FERMT3: variants seen among roughly 807,000 people sequenced by gnomAD.
The protein encoded by FERMT3 is FERM domain containing kindlin 3.
A neutral mutation model predicts 80.8 loss-of-function variants in FERMT3; 33 were observed. The ratio of observed to expected loss-of-function variants is 0.41; its 90% CI spans 0.31 to 0.55. The LOEUF is 0.55. FERMT3 is among the 20% of genes least tolerant of loss of function. FERMT3 has a pLI of 0.31. For synonymous variants in FERMT3, 375 were observed against 372.2 expected (o/e 1.01, Z -0.09); for missense variants, 754 against 908.7 (o/e 0.83, Z 2.19).
chr11:64,214,588 C>T (rs1435289779), intron 6 of FERMT3, among the ~76,000 whole-genome samples: 1 of 151,820 alleles, frequency 6.6e-6, no homozygotes, highest in Non-Finnish European at 1.5e-5. Context: ...CTCAGGCGAT[C>T]CACCTGCCTC....
intron 6 of FERMT3, among the ~76,000 whole-genome samples, chr11:64,214,925 C>A (rs1190284160): frequency 6.6e-6 from 1 of 151,898 alleles, no homozygotes; most frequent in Non-Finnish European, 1.5e-5. Flanking sequence ...GCCTCAGCCT[C>A]CCACATAGCT....
rs1946422291 is a variant in FERMT3 at position 64,210,971 on chromosome 11, T to C, written c.395-81T>C. The C allele has an allele frequency of 3.7e-6, 6 of 1,607,250 alleles. No individual in the cohort carries two copies. The highest frequency in any genetic ancestry group is 5.1e-6 in the Non-Finnish European group (6 of 1,177,122). ...GGTTGCCACCCTGCCTGCAGGGCTGTGACCCGCCCCAAGCACCCATGGGTG... is the reference window on the plus strand; with the variant it reads ...GGTTGCCACCCTGCCTGCAGGGCTGCGACCCGCCCCAAGCACCCATGGGTG... On this transcript the variant is annotated intron_variant, in intron 3 of 14. Coordinates refer to ENST00000345728, the MANE Select transcript of FERMT3 (RefSeq NM_031471.6). This position sits in a 1 kb window ranked among gnomAD's most constrained non-coding sequence, Gnocchi z 4.3.
rs1441715930 is a variant in FERMT3, at chr11:64,219,844, A to AGG, written c.1080-45_1080-44dup. The AGG allele has an allele frequency of 2.5e-6, 4 of 1,613,632 alleles. No individual in the cohort carries two copies. The highest frequency in any genetic ancestry group is 3.4e-6 in the Non-Finnish European group (4 of 1,179,990). Reference sequence around the variant, plus strand: ...GCTGGAGGGGTTGGTCTGCATATGGAGGGAGGGGGTGAGGCGGCCTTTCAC... The same window carrying AGG: ...GCTGGAGGGGTTGGTCTGCATATGGAGGGGGAGGGGGTGAGGCGGCCTTTCAC... On this transcript the variant is annotated intron_variant, in intron 9 of 14. Transcript: ENST00000345728. This position sits in a 1 kb window ranked among gnomAD's most constrained non-coding sequence, Gnocchi z 4.0.
chr11:64,222,911 A>G, intron 13 of FERMT3, 137 bp from the exon 14 acceptor site: 1 of 1,155,788 alleles, frequency 8.7e-7, no homozygotes, highest in Non-Finnish European at 1.3e-6. Context: ...AGGGAACCCA[A>G]ATGGCTTGCT....
intron 2 of FERMT3, among the ~76,000 whole-genome samples, chr11:64,208,499 T>G (rs1946366331): frequency 6.6e-6 from 1 of 152,086 alleles, no homozygotes; most frequent in South Asian, 2.1e-4. Flanking sequence ...ATACTGTCAC[T>G]CCTAAGCACA....
rs985750753 is a variant in FERMT3 at position 64,223,570 on chromosome 11, C to T, written c.*78C>T. Reference sequence around the variant, plus strand: ...AGCCCACACCCACAGGGGCTCACTGCCCCACACCCGCTCCAGGCAGGCACC... The same window carrying T: ...AGCCCACACCCACAGGGGCTCACTGTCCCACACCCGCTCCAGGCAGGCACC... On this transcript the variant is annotated 3_prime_UTR_variant, in exon 15 of 15. Coordinates refer to ENST00000345728, the MANE Select transcript of FERMT3 (RefSeq NM_031471.6). 8.0e-6 allele frequency: 12 copies of T among 1,492,456 alleles called. No homozygotes were observed. The highest frequency in any genetic ancestry group is 4.1e-5 in the African/African-American group (3 of 72,358). 92.5% of individuals were successfully genotyped at this position (1,492,456 alleles called of 1,614,324 possible).
Position 64,223,452 on chromosome 11 carries a change from A to T in FERMT3, c.1952A>T (p.Asp651Val). Residue 651 changes from aspartate (D) to valine (V), a missense_variant, in exon 15 of 15, where the codon GAC becomes GTC. Coordinates refer to ENST00000345728, the MANE Select transcript of FERMT3 (RefSeq NM_031471.6). ...GCCCGTGGGGAGGAGCTGGATGAAG[A>T]CCTCTTCCTGCAGCTCACCGGGGGC... ...ERARGEELDEDLFLQLTGGHE... is the reference protein window; with the variant it reads ...ERARGEELDEVLFLQLTGGHE... 6.2e-7 allele frequency: 1 copy of T among 1,612,184 alleles called. No individual in the cohort carries two copies. Among genetic ancestry groups the T allele is most frequent in the Non-Finnish European group, 8.5e-7 (1 of 1,179,958 alleles).
At chr11:64,212,345 G>T (rs1262319546) in intron 6 of FERMT3, among the ~76,000 whole-genome samples, 1 of 152,190 alleles carries the variant, frequency 6.6e-6, no homozygotes, top group African/African-American at 2.4e-5. Flanking sequence ...CCACCTCTCT[G>T]CCCCCTTTCT....
chr11:64,223,285 A>C, intron 14 of FERMT3, 28 bp from the exon 15 acceptor site: 1 of 1,613,492 alleles, frequency 6.2e-7, no homozygotes, highest in Non-Finnish European at 8.5e-7. Context: ...TATCCCACCC[A>C]CCATTTGCCC....
chr11:64,210,460 G>C lies in FERMT3; in HGVS notation c.161-151G>C, dbSNP rs1424734330. On this transcript the variant is annotated intron_variant, in intron 2 of 14. Transcript: ENST00000345728. The surrounding 1 kb of genome is among the most constrained non-coding windows in gnomAD (Gnocchi z 4.3). ...GAGAGCCCTGCTGCTGTTACCATGG[G>C]GTAGACCCCAGGCCCGCCCAGGCTG... 7 of 763,112 alleles carry C rather than the reference G, an allele frequency of 9.2e-6. No homozygotes were observed. Among genetic ancestry groups the C allele is most frequent in the Non-Finnish European group, 1.5e-5 (7 of 453,758 alleles). The allele number at this position is 763,112 out of a possible 1,614,324, so 47.3% of individuals were successfully genotyped here.
rs767054440 is a variant in FERMT3, at chr11:64,220,316, G to C, written c.1301G>C (p.Arg434Pro). 1 of 1,613,696 alleles carries C rather than the reference G, an allele frequency of 6.2e-7. No individual in the cohort carries two copies. Among genetic ancestry groups the C allele is most frequent in the Non-Finnish European group, 8.5e-7 (1 of 1,179,864 alleles). Residue 434 changes from arginine to proline, a missense_variant, in exon 11 of 15, where the codon CGG becomes CCG. Physicochemically the swap from Arg to Pro is moderately radical, Grantham distance 103 (BLOSUM62 -2). Transcript: ENST00000345728. ...GAGGGCATGAGTGAGATCTACCTGC[G>C]GTGCCAGGATGTGAGTGAGGGCTGG... ...SPEGMSEIYL[R>P]CQDEQQYARW...
In FERMT3 at chr11:64,223,578, C is replaced by T. The variant is rs925906569; in HGVS notation, c.*86C>T. 4 of 1,463,940 alleles carry T rather than the reference C, an allele frequency of 2.7e-6. No homozygotes were observed. The African/African-American group carries it at 4.2e-5, about 15-fold the overall frequency. The allele number at this position is 1,463,940 out of a possible 1,614,324, so 90.7% of individuals were successfully genotyped here. On this transcript the variant is annotated 3_prime_UTR_variant, in exon 15 of 15. Coordinates refer to ENST00000345728, the MANE Select transcript of FERMT3 (RefSeq NM_031471.6). ...CCCACAGGGGCTCACTGCCCCACAC[C>T]CGCTCCAGGCAGGCACCCAGCTGGG...
Position 64,219,442 on chromosome 11 carries a change from C to A in FERMT3, c.895-82C>A, listed in dbSNP as rs1385629109. On this transcript the variant is annotated intron_variant, in intron 7 of 14. Coordinates refer to ENST00000345728, the MANE Select transcript of FERMT3 (RefSeq NM_031471.6). This position sits in a 1 kb window ranked among gnomAD's most constrained non-coding sequence, Gnocchi z 4.0. ...GAAGGGCCTTCCTGAGTGGGGGCTA[C>A]CTCCAGGGAAGCCCGGCCTGGGGGT... The A allele has an allele frequency of 6.4e-7, 1 of 1,558,546 alleles. No individual in the cohort carries two copies. The highest frequency in any genetic ancestry group is 8.7e-7 in the Non-Finnish European group (1 of 1,151,790).
At chr11:64,209,384 G>A (rs891212201) in intron 2 of FERMT3, among the ~76,000 whole-genome samples, 4 of 152,230 alleles carry the variant, frequency 2.6e-5, no homozygotes, top group Non-Finnish European at 5.9e-5. Flanking sequence ...CGAGGGCCAC[G>A]CATGGGGAGG....
intron 10 of FERMT3, 95 bp downstream of exon 10, chr11:64,220,110 G>T: frequency 6.3e-7 from 1 of 1,574,928 alleles, no homozygotes; most frequent in Non-Finnish European, 8.7e-7. Flanking sequence ...CCTGGAGACC[G>T]GGGAAGATGC....
chr11:64,206,049 G>C (rs1166663281), upstream of FERMT3, among the ~76,000 whole-genome samples: 1 of 152,194 alleles, frequency 6.6e-6, no homozygotes, highest in Non-Finnish European at 1.5e-5. Context: ...GCAGGGACTT[G>C]ATGGGAGTGA....
chr11:64,220,921 C>T (rs1946667664), intron 12 of FERMT3, 95 bp from the exon 13 acceptor site: 1 of 1,565,288 alleles, frequency 6.4e-7, no homozygotes, highest in South Asian at 1.2e-5. Context: ...CCTTCCCAGG[C>T]TCACATGCTG....
In FERMT3 at chr11:64,221,458, C is replaced by T. The variant is rs989051531; in HGVS notation, c.1670+318C>T. Among the ~76,000 whole-genome samples, 3 of 152,104 alleles carry T rather than the reference C, an allele frequency of 2.0e-5. 1 individual carries two copies. Among genetic ancestry groups the T allele is most frequent in the South Asian group, 4.1e-4 (2 of 4,828 alleles). On this transcript the variant is annotated intron_variant, in intron 13 of 14. Coordinates refer to ENST00000345728, the MANE Select transcript of FERMT3 (RefSeq NM_031471.6). ...AGCCTGGGCAACACAGAAAGTCCCTCGTCTCTACAAAAAATTGTAAAAAAT... is the reference window on the plus strand; with the variant it reads ...AGCCTGGGCAACACAGAAAGTCCCTTGTCTCTACAAAAAATTGTAAAAAAT...
chr11:64,214,219 A>C (rs1460022276), intron 6 of FERMT3, among the ~76,000 whole-genome samples: 2 of 126,656 alleles, frequency 1.6e-5, no homozygotes. Flanking sequence ...CCCAGGCTGG[A>C]GTACAATGGC....
Sources: gnomAD v4.1 joint callset for allele counts (sites outside exome capture counted in the v4.1 genomes callset) on GRCh38, gnomAD v4.1.1 for gene constraint, Gnocchi (gnomAD v3.1) non-coding constraint, MANE v1.5 for transcripts, NCBI Gene and HGNC (gene_info 2026-07-23, HGNC 2026-07-21) for gene names.